The following UMODL1 variants were observed in gnomAD, a reference collection of about 807,000 sequenced individuals.
UMODL1 encodes uromodulin-like 1.
In UMODL1, 128 loss-of-function variants were observed where a neutral mutation model predicts 136.3. The observed-to-expected ratio is 0.94, with a 90% CI of 0.81 to 1.09. The LOEUF is 1.09. UMODL1 is among the 50% of genes least tolerant of loss of function. UMODL1 has a pLI of 0.00. For synonymous variants in UMODL1, 721 were observed against 720.0 expected, an observed-to-expected ratio of 1.00 and a Z score of -0.02; for missense variants, 1,766 against 1,725.6, an observed-to-expected ratio of 1.02 and a Z score of -0.41.
At chr21:42,096,626 C>T (rs928469374) in intron 6 of UMODL1, among the ~76,000 whole-genome samples, 1 of 152,138 alleles carries the variant, frequency 6.6e-6, no homozygotes, top group African/African-American at 2.4e-5. Flanking sequence ...ATCTGTTGTC[C>T]CACCCATGTG....
At chr21:42,086,297 G>A (rs1338443782) in intron 4 of UMODL1, among the ~76,000 whole-genome samples, 1 of 152,220 alleles carries the variant, frequency 6.6e-6, no homozygotes, top group Non-Finnish European at 1.5e-5. Context: ...TGGCATCTGT[G>A]TAGCTGTTCT....
At chr21:42,100,994 G>A (rs2066624362) in intron 7 of UMODL1, among the ~76,000 whole-genome samples, 1 of 145,736 alleles carries the variant, frequency 6.9e-6, no homozygotes, top group African/African-American at 2.6e-5. Context: ...GCATTCCAAT[G>A]TCAGGCACAG....
Position 42,110,956 on chromosome 21 carries a change from A to G in UMODL1, c.1734A>G (p.Thr578=). 1.2e-6 allele frequency: 2 copies of G among 1,613,238 alleles called. No individual in the cohort carries two copies. Among genetic ancestry groups the G allele is most frequent in the South Asian group, 1.1e-5 (1 of 90,796 alleles). ...GVTVPGLGTG[T]AALGLENFTL... ...CGGTCCCAGGTCTTGGCACGGGAAC[A>G]GCAGCCCTCGGCCTAGAGAACTTCA... Residue 578 remains threonine, a synonymous_variant, in exon 11 of 23, where the codon ACA becomes ACG. Transcript: ENST00000408910.
At chr21:42,132,392 A>G (rs1438004377) in intron 21 of UMODL1, among the ~76,000 whole-genome samples, 2 of 151,464 alleles carry the variant, frequency 1.3e-5, no homozygotes, top group Non-Finnish European at 2.9e-5. Flanking sequence ...TCCATCATCC[A>G]TCCATCCACT....
intron 22 of UMODL1, 53 bp downstream of exon 22, chr21:42,137,694 G>C: frequency 1.2e-6 from 1 of 837,508 alleles, no homozygotes; most frequent in Non-Finnish European, 1.7e-6. Flanking sequence ...TGGGTGTGGA[G>C]TGGGGTGGGA....
chr21:42,137,003 G>A (rs569638083), intron 21 of UMODL1, among the ~76,000 whole-genome samples: 319 of 152,264 alleles, frequency 2.1e-3, no homozygotes, highest in African/African-American at 7.2e-3. Context: ...TGACCCGCCC[G>A]CCTCAGCCCC....
chr21:42,072,666 G>T (rs551669128), intron 1 of UMODL1, among the ~76,000 whole-genome samples: 2 of 152,342 alleles, frequency 1.3e-5, no homozygotes, highest in Admixed American at 6.5e-5. Flanking sequence ...CACAGGACAT[G>T]GCTGTTATTT....
Position 42,137,036 on chromosome 21 carries a change from G to A in UMODL1, c.3776-403G>A, listed in dbSNP as rs891183986. ...CCCGCAAAGTGCTGAGATTACAGTCGTCAGCCACTGCGCCCAGCCTGCACT... is the reference window on the plus strand; with the variant it reads ...CCCGCAAAGTGCTGAGATTACAGTCATCAGCCACTGCGCCCAGCCTGCACT... On this transcript the variant is annotated intron_variant, in intron 21 of 22. Coordinates refer to ENST00000408910, the MANE Select transcript of UMODL1 (RefSeq NM_001004416.3). Among the ~76,000 whole-genome samples the A allele has an allele frequency of 4.6e-5, 7 of 152,306 alleles. 1 individual carries two copies. Among genetic ancestry groups the A allele is most frequent in the Non-Finnish European group, 1.0e-4 (7 of 68,020 alleles).
intron 1 of UMODL1, among the ~76,000 whole-genome samples, chr21:42,064,965 A>G (rs1190319022): frequency 2.0e-5 from 3 of 152,220 alleles, no homozygotes; most frequent in Admixed American, 6.5e-5. Flanking sequence ...TATTGGAACT[A>G]TTGAATCTGT....
intron 18 of UMODL1, 87 bp downstream of exon 18, chr21:42,126,577 A>C (rs1431351765): frequency 2.3e-5 from 36 of 1,580,506 alleles, no homozygotes; most frequent in Non-Finnish European, 3.1e-5. Flanking sequence ...TCAACCACTT[A>C]AGGACCCTTC....
At position 42,110,894 on chromosome 21, in the gene UMODL1, C is replaced by A. The variant is rs755398252; in HGVS notation, c.1672C>A (p.Pro558Thr). ...TGTCTTGGCAGGTGACCTGGTGAGC[C>A]CCATGGGCGGTGGACTGTCTGCGGC... ...GRACEGDLVSPMGGGLSAATG... is the reference protein window; with the variant it reads ...GRACEGDLVSTMGGGLSAATG... Residue 558 changes from proline (P) to threonine (T), a missense_variant, in exon 11 of 23, where the codon CCC (proline) becomes ACC (threonine). Coordinates refer to ENST00000408910, the MANE Select transcript of UMODL1 (RefSeq NM_001004416.3). 1 of 1,607,482 alleles carries A rather than the reference C, an allele frequency of 6.2e-7. No homozygotes were observed.
chr21:42,125,354 A>T (rs953866395), intron 17 of UMODL1, among the ~76,000 whole-genome samples: 3 of 152,198 alleles, frequency 2.0e-5, no homozygotes, highest in Admixed American at 2.0e-4. Context: ...GAGGGTGGCC[A>T]GGAAGCTGAG....
intron 6 of UMODL1, among the ~76,000 whole-genome samples, chr21:42,096,455 C>A (rs2066558748): frequency 6.6e-6 from 1 of 152,218 alleles, no homozygotes; most frequent in South Asian, 2.1e-4. Context: ...AGAGGTAAAG[C>A]ATGCATTGCC....
At chr21:42,064,782 C>G (rs1031655053) in intron 1 of UMODL1, among the ~76,000 whole-genome samples, 1 of 152,164 alleles carries the variant, frequency 6.6e-6, no homozygotes, top group African/African-American at 2.4e-5. Flanking sequence ...TCTCTAACTC[C>G]TGACCTCAGG....
chr21:42,126,257 C>G, intron 17 of UMODL1, 88 bp from the exon 18 acceptor site: 1 of 1,551,930 alleles, frequency 6.4e-7, no homozygotes, highest in Admixed American at 1.9e-5. Flanking sequence ...GAACCCCCAT[C>G]CCCCCAGCAC....
chr21:42,090,574 T>C, intron 6 of UMODL1, 136 bp downstream of exon 6: 4 of 1,153,710 alleles, frequency 3.5e-6, no homozygotes, highest in Non-Finnish European at 4.8e-6. Context: ...CTTTTATTAT[T>C]ATTTTCGCAT....
chr21:42,073,028 G>GCA (rs1569137807), intron 1 of UMODL1, among the ~76,000 whole-genome samples: 17 of 152,196 alleles, frequency 1.1e-4, no homozygotes, highest in South Asian at 2.1e-4. Context: ...GTGTGCGCGC[G>GCA]CGCGTGTGTG....
In UMODL1 at chr21:42,127,080, C is replaced by T. The variant is rs369035809; in HGVS notation, c.3368C>T (p.Ser1123Phe). The change falls in exon 19 of 23, where the codon TCT (serine) becomes TTT (phenylalanine). Residue 1123 changes from serine (S) to phenylalanine (F), a missense_variant. Coordinates refer to ENST00000408910, the MANE Select transcript of UMODL1 (RefSeq NM_001004416.3). ...VTEMQLFIGDSPIPQNYSVSA... is the reference protein window; with the variant it reads ...VTEMQLFIGDFPIPQNYSVSA... ...GAAATGCAGTTGTTTATCGGAGACT[C>T]TCCCATACCTCAGAATTATAGCGTG... 2.0e-4 allele frequency: 315 copies of T among 1,614,194 alleles called. 5 individuals are homozygous for T. In the South Asian group the frequency reaches 2.3e-3, roughly 12 times the overall value.
intron 20 of UMODL1, 117 bp downstream of exon 20, chr21:42,127,948 G>T (rs930693387): frequency 6.9e-5 from 95 of 1,371,272 alleles, no homozygotes; most frequent in Admixed American, 1.9e-5. Flanking sequence ...ACCTCTGGGA[G>T]GAGTCGCTGT....
Sources: allele counts gnomAD v4.1 joint callset (sites outside exome capture counted in the v4.1 genomes callset), GRCh38; gene constraint gnomAD v4.1.1; transcripts MANE v1.5; gene names NCBI Gene and HGNC (gene_info 2026-07-23, HGNC 2026-07-21).